The following LRTM1 variants were observed in gnomAD, a reference collection of about 807,000 sequenced individuals.
LRTM1 encodes the protein leucine rich repeat transmembrane protein 1, also known as leucine-rich repeat and transmembrane domain-containing protein 1.
A neutral mutation model predicts 32.4 loss-of-function variants in LRTM1; 38 were observed. That is an observed-to-expected ratio of 1.17 (90% CI 0.91 to 1.54). The LOEUF (loss-of-function observed/expected upper bound fraction) is 1.54. LRTM1 is among the 40% of genes most tolerant of loss of function. The pLI is 0.00. For synonymous variants in LRTM1, 186 were observed against 169.9 expected, an observed-to-expected ratio of 1.09 and a Z score of -0.74; for missense variants, 466 against 415.4, an observed-to-expected ratio of 1.12 and a Z score of -1.06.
intron 1 of LRTM1, among the ~76,000 whole-genome samples, chr3:54,939,358 C>T (rs890187549): frequency 6.6e-6 from 1 of 152,220 alleles, no homozygotes; most frequent in Non-Finnish European, 1.5e-5. Context: ...CTTGAACCCT[C>T]ATCTGCCGGA....
chr3:54,926,739 A>ACCC (rs1701032782), intron 1 of LRTM1, among the ~76,000 whole-genome samples: 1 of 152,008 alleles, frequency 6.6e-6, no homozygotes, highest in South Asian at 2.1e-4. Flanking sequence ...ATTAATATTT[A>ACCC]CCCCCACTCT....
intron 1 of LRTM1, among the ~76,000 whole-genome samples, chr3:54,956,855 A>G (rs1701910058): frequency 6.6e-6 from 1 of 151,994 alleles, no homozygotes; most frequent in South Asian, 2.1e-4. Context: ...CTGACAGAAA[A>G]GAACACCGAG....
At chr3:54,930,536 C>A (rs1405808952), upstream of LRTM1, among the ~76,000 whole-genome samples, 6 of 152,306 alleles carry the variant, frequency 3.9e-5, no homozygotes, top group African/African-American at 9.6e-5. Context: ...AATGATCAAT[C>A]TATTGACAGC....
intron 2 of LRTM1, among the ~76,000 whole-genome samples, chr3:54,919,105 A>G (rs1366152530): frequency 6.6e-6 from 1 of 152,158 alleles, no homozygotes; most frequent in Non-Finnish European, 1.5e-5. Flanking sequence ...ATTGGCAATT[A>G]CTTATGACCA....
chr3:54,954,313 G>T (rs1463330021), intron 1 of LRTM1, among the ~76,000 whole-genome samples: 2 of 152,216 alleles, frequency 1.3e-5, no homozygotes, highest in African/African-American at 4.8e-5. Flanking sequence ...CTTCCCCACT[G>T]AGTTGTCTGT....
At chr3:54,930,198 T>C (rs1701149294), upstream of LRTM1, among the ~76,000 whole-genome samples, 1 of 152,118 alleles carries the variant, frequency 6.6e-6, no homozygotes, top group South Asian at 2.1e-4. Flanking sequence ...GGTTATCCCA[T>C]CCTCTGGCAA....
upstream of LRTM1, among the ~76,000 whole-genome samples, chr3:54,932,496 C>G (rs1464582050): frequency 6.6e-6 from 1 of 152,116 alleles, no homozygotes; most frequent in African/African-American, 2.4e-5. Flanking sequence ...CTCGCTACAA[C>G]AAAAATTAAG....
chr3:54,945,755 T>G (rs1559640525), intron 1 of LRTM1, among the ~76,000 whole-genome samples: 1 of 152,158 alleles, frequency 6.6e-6, no homozygotes, highest in Non-Finnish European at 1.5e-5. Context: ...TTTTCAAGAT[T>G]ATAGGTGTCC....
intron 1 of LRTM1, among the ~76,000 whole-genome samples, chr3:54,957,890 C>T (rs537287427): frequency 6.2e-4 from 95 of 152,336 alleles, no homozygotes; most frequent in African/African-American, 2.3e-3. Context: ...TGTCTCACAT[C>T]CTTCCCTCCC....
intron 1 of LRTM1, among the ~76,000 whole-genome samples, chr3:54,952,661 G>C (rs901237269): frequency 2.6e-5 from 4 of 152,136 alleles, no homozygotes; most frequent in Non-Finnish European, 5.9e-5. Flanking sequence ...TCTGAAGTCA[G>C]AAAGATCTGG....
intron 1 of LRTM1, among the ~76,000 whole-genome samples, chr3:54,936,353 A>G (rs1446357659): frequency 6.6e-6 from 1 of 152,160 alleles, no homozygotes; most frequent in Non-Finnish European, 1.5e-5. Flanking sequence ...TTCGTATTAT[A>G]AAGCCTTTGT....
rs367743937 is a variant in LRTM1, at chr3:54,927,915, T to G, written c.-4A>C. ...TTGATCAGGGCTCACCTTTCATGACTGAGTCTCCTTGGGCGTCCTTGCTGA... is the reference window on the plus strand; with the variant it reads ...TTGATCAGGGCTCACCTTTCATGACGGAGTCTCCTTGGGCGTCCTTGCTGA... On this transcript the variant is annotated 5_prime_UTR_variant, in exon 1 of 3. Coordinates refer to ENST00000273286, the MANE Select transcript of LRTM1 (RefSeq NM_020678.4). The G allele has an allele frequency of 7.4e-6, 12 of 1,613,614 alleles. No homozygotes were observed. Among genetic ancestry groups the G allele is most frequent in the Non-Finnish European group, 1.0e-5 (12 of 1,179,696 alleles).
At chr3:54,963,468 A>T (rs1426359218) in intron 1 of LRTM1, among the ~76,000 whole-genome samples, 1 of 152,182 alleles carries the variant, frequency 6.6e-6, no homozygotes, top group Non-Finnish European at 1.5e-5. Context: ...GGAGCACTTG[A>T]CATCTAACTA....
chr3:54,927,544 A>G (rs185587791), intron 1 of LRTM1, among the ~76,000 whole-genome samples: 13 of 152,298 alleles, frequency 8.5e-5, no homozygotes, highest in South Asian at 8.3e-4. Context: ...CCACTGATCT[A>G]TTAATGAAAG....
At chr3:54,958,777 C>G (rs575938203) in intron 1 of LRTM1, among the ~76,000 whole-genome samples, 1 of 151,852 alleles carries the variant, frequency 6.6e-6, no homozygotes, top group South Asian at 2.1e-4. Context: ...CTGTGTAACC[C>G]CCAGCCTAGA....
At position 54,937,651 on chromosome 3, in the gene LRTM1, G is replaced by A. The variant is rs1701363914; in HGVS notation, c.-221-12436C>T. On this transcript the variant is annotated intron_variant, in intron 1 of 2. Coordinates refer to the LRTM1 transcript ENST00000493075. ...AGTCTGGCAATTCAGCCTGAGAGGT[G>A]AGGGCAGGCATCCCAATGGATGTTA... 3.3e-5 allele frequency among the ~76,000 whole-genome samples: 5 copies of A among 152,288 alleles called. No homozygotes were observed. In the South Asian group the frequency reaches 1.0e-3, roughly 32 times the overall value.
chr3:54,928,692 C>G (rs918776760), upstream of LRTM1, among the ~76,000 whole-genome samples: 5 of 152,110 alleles, frequency 3.3e-5, no homozygotes, highest in African/African-American at 1.2e-4. Context: ...TGCTTGCTTG[C>G]TGCCCCCACA....
rs563374647 is a variant in LRTM1 at position 54,944,000 on chromosome 3, A to G, written c.-221-18785T>C. 3.3e-5 allele frequency among the ~76,000 whole-genome samples: 5 copies of G among 152,262 alleles called. No homozygotes were observed. The South Asian group carries it at 1.0e-3, about 32-fold the overall frequency. ...TCTTCATTCCATGCCTTCGTTTCCT[A>G]ACCATTTGACTGGCCATAGAATACC... On this transcript the variant is annotated intron_variant, in intron 1 of 2. Coordinates refer to the LRTM1 transcript ENST00000493075.
chr3:54,939,583 G>A (rs151094462), intron 1 of LRTM1, among the ~76,000 whole-genome samples: 2,419 of 152,282 alleles, frequency 0.016, 64 homozygotes, highest in African/African-American at 0.054. Context: ...TGCTGGGGCC[G>A]GAGGTGGGGA....
Sources: allele counts gnomAD v4.1 joint callset (sites outside exome capture counted in the v4.1 genomes callset), GRCh38; gene constraint gnomAD v4.1.1; transcripts MANE v1.5; gene names NCBI Gene and HGNC (gene_info 2026-07-23, HGNC 2026-07-21).